The following TP53TG5 variants were observed in gnomAD, a reference collection of about 807,000 sequenced individuals.
TP53TG5 encodes the protein TP53 target 5.
TP53TG5 carries 17 observed loss-of-function variants against 30.0 expected under a neutral mutation model. The ratio of observed to expected loss-of-function variants is 0.57; its 90% CI spans 0.39 to 0.85. TP53TG5 has a LOEUF of 0.85. Among genes scored for constraint, TP53TG5 ranks in the 40% least tolerant of loss-of-function variants. The pLI, the probability that TP53TG5 is intolerant of heterozygous loss-of-function variation, is 0.00. For synonymous variants in TP53TG5, 137 were observed against 139.2 expected, an observed-to-expected ratio of 0.98 and a Z score of 0.11; for missense variants, 338 against 367.9, an observed-to-expected ratio of 0.92 and a Z score of 0.67.
chr20:45,375,268 T>C lies in TP53TG5; in HGVS notation c.539A>G (p.Glu180Gly). 6.2e-7 allele frequency: 1 copy of C among 1,614,160 alleles called. No individual in the cohort carries two copies. The highest frequency in any genetic ancestry group is 2.2e-5 in the East Asian group (1 of 44,874). The change falls in exon 4 of 5, where the codon GAG becomes GGG. Residue 180 changes from glutamate (E) to glycine (G), a missense_variant. Glu to Gly is a moderately conservative substitution (Grantham distance 98). Transcript: ENST00000372726. ...PGVQGRQPLTEGPRVIFIKPY... is the reference protein window; with the variant it reads ...PGVQGRQPLTGGPRVIFIKPY... ...CTTAATGAAGATGACTCGGGGGCCC[T>C]CGGTGAGTGGTTGCCTCCCCTGGAC...
Position 45,373,768 on chromosome 20 carries a change from G to C in TP53TG5, c.*139C>G. 1.3e-6 allele frequency: 1 copy of C among 763,320 alleles called. No homozygotes were observed. Among genetic ancestry groups the C allele is most frequent in the South Asian group, 1.6e-5 (1 of 61,250 alleles). The allele number at this position is 763,320 out of a possible 1,614,324, so 47.3% of individuals were successfully genotyped here. A position where few individuals can be genotyped will look rare whatever the true frequency, so the allele number is the denominator to read the frequency against. ...TCTTTGGTTCTAGACTGACCTTAGG[G>C]GCCTCGGGGTGGGGGTGGGGGAAGC... On this transcript the variant is annotated 3_prime_UTR_variant, in exon 5 of 5. Transcript: ENST00000372726.
At chr20:45,375,701 G>A in intron 3 of TP53TG5, 149 bp from the exon 4 acceptor site, 1 of 883,464 alleles carries the variant, frequency 1.1e-6, no homozygotes, top group Non-Finnish European at 1.7e-6. Flanking sequence ...GCCTTGTGCT[G>A]GTGTGAGGAG....
At position 45,378,125 on chromosome 20, in the gene TP53TG5, T is replaced by C. The variant is rs878960653; in HGVS notation, c.48+64A>G. The stretch of plus-strand genomic sequence containing the variant: ...TGCTGGAAAGCCCCTTTCCTTGGCA[T>C]GGTGGATTCTTTGTTAAGGTCCCCT... On this transcript the variant is annotated intron_variant, in intron 1 of 4. Coordinates refer to ENST00000372726, the MANE Select transcript of TP53TG5 (RefSeq NM_014477.3). 1.3e-5 allele frequency: 21 copies of C among 1,608,892 alleles called. No homozygotes were observed. In the South Asian group the frequency reaches 2.1e-4, roughly 16 times the overall value.
Position 45,373,774 on chromosome 20 carries a change from G to C in TP53TG5, c.*133C>G, listed in dbSNP as rs2294288. On this transcript the variant is annotated 3_prime_UTR_variant, in exon 5 of 5. Transcript: ENST00000372726. Reference sequence around the variant, plus strand: ...GTTCTAGACTGACCTTAGGGGCCTCGGGGTGGGGGTGGGGGAAGCCTGAAG... The same window carrying C: ...GTTCTAGACTGACCTTAGGGGCCTCCGGGTGGGGGTGGGGGAAGCCTGAAG... 4.6e-4 allele frequency: 369 copies of C among 809,796 alleles called. 6 individuals are homozygous for C. In the East Asian group the frequency reaches 9.7e-3, roughly 21 times the overall value. The allele number at this position is 809,796 out of a possible 1,614,324, so 50.2% of individuals were successfully genotyped here.
intron 4 of TP53TG5, chr20:45,374,777 C>T (rs747287684): frequency 1.3e-4 from 66 of 515,160 alleles, no homozygotes; most frequent in Non-Finnish European, 1.9e-4. Context: ...GGCCTTCAGG[C>T]AGTGAGATGG....
Position 45,377,175 on chromosome 20 carries a change from C to A in TP53TG5, c.254+37G>T, listed in dbSNP as rs1310982725. The A allele has an allele frequency of 3.1e-6, 5 of 1,610,124 alleles. 1 individual carries two copies. The South Asian group carries it at 5.5e-5, about 18-fold the overall frequency. ...ACAATGCCTGTTCCCAGAAAGACGG[C>A]ATTTGGGTCCATTATGGGGGCCAGG... On this transcript the variant is annotated intron_variant, in intron 3 of 4. Coordinates refer to ENST00000372726, the MANE Select transcript of TP53TG5 (RefSeq NM_014477.3).
At position 45,374,572 on chromosome 20, in the gene TP53TG5, T is replaced by C. The variant is rs549429869; in HGVS notation, c.768+467A>G. 7.6e-5 allele frequency: 37 copies of C among 485,866 alleles called. No individual in the cohort carries two copies. The East Asian group carries it at 1.0e-3, about 14-fold the overall frequency. The allele number at this position is 485,866 out of a possible 1,614,324, so 30.1% of individuals were successfully genotyped here. ...CAGGCGTGAGCCACCATGCCTAGCC[T>C]GTTCAGAGTAAATCTTATTTGAGGC... On this transcript the variant is annotated intron_variant, in intron 4 of 4. Transcript: ENST00000372726.
chr20:45,373,574 G>T lies in TP53TG5; in HGVS notation c.*333C>A. 5.2e-6 allele frequency: 2 copies of T among 383,554 alleles called. No individual in the cohort carries two copies. The highest frequency in any genetic ancestry group is 7.5e-5 in the Admixed American group (2 of 26,588). 23.8% of individuals were successfully genotyped at this position (383,554 alleles called of 1,614,324 possible). On this transcript the variant is annotated 3_prime_UTR_variant, in exon 5 of 5. Coordinates refer to ENST00000372726, the MANE Select transcript of TP53TG5 (RefSeq NM_014477.3). Reference sequence around the variant, plus strand: ...CTCCTGCCACTTTCTAGCTGAGTGAGCCTGGGCAAGTTACTTGCTGCCTCC... The same window carrying T: ...CTCCTGCCACTTTCTAGCTGAGTGATCCTGGGCAAGTTACTTGCTGCCTCC...
chr20:45,374,399 G>C, intron 4 of TP53TG5: 1 of 613,198 alleles, frequency 1.6e-6, no homozygotes, highest in African/African-American at 1.9e-5. Flanking sequence ...AGCCTCCTGA[G>C]TAGCTGATAC....
rs532662566 is a variant in TP53TG5, at chr20:45,374,889, C to G, written c.768+150G>C. 2.9e-5 allele frequency: 31 copies of G among 1,079,820 alleles called. No homozygotes were observed. The East Asian group carries it at 3.8e-4, about 13-fold the overall frequency. 66.9% of individuals were successfully genotyped at this position (1,079,820 alleles called of 1,614,324 possible). ...TATGATGTTGGTCTAAGGCTTCCCC[C>G]TCTCTGGACATGAAGGCGGAGCCTC... On this transcript the variant is annotated intron_variant, in intron 4 of 4. Transcript: ENST00000372726.
Position 45,372,646 on chromosome 20 carries a change from A to T in TP53TG5, c.*1261T>A, listed in dbSNP as rs1036892143. ...AAGGGAACTGCAAGGGAGACTGTTCAGGAAATGGGCTGGAGTGCAAGCTGG... is the reference window on the plus strand; with the variant it reads ...AAGGGAACTGCAAGGGAGACTGTTCTGGAAATGGGCTGGAGTGCAAGCTGG... On this transcript the variant is annotated 3_prime_UTR_variant, in exon 5 of 5. Coordinates refer to ENST00000372726, the MANE Select transcript of TP53TG5 (RefSeq NM_014477.3). 2 of 152,244 alleles carry T rather than the reference A, an allele frequency of 1.3e-5. No homozygotes were observed. Among genetic ancestry groups the T allele is most frequent in the African/African-American group, 4.8e-5 (2 of 41,448 alleles). 9.4% of individuals were successfully genotyped at this position (152,244 alleles called of 1,614,324 possible).
chr20:45,374,005 C>T lies in TP53TG5; in HGVS notation c.775G>A (p.Val259Met). 1 of 1,614,026 alleles carries T rather than the reference C, an allele frequency of 6.2e-7. No individual in the cohort carries two copies. The highest frequency in any genetic ancestry group is 8.5e-7 in the Non-Finnish European group (1 of 1,180,028). The change falls in exon 5 of 5, where the codon GTG (valine) becomes ATG (methionine). Residue 259 changes from valine to methionine, a missense_variant. Val to Met is a conservative substitution (Grantham distance 21). Transcript: ENST00000372726. ...GCACCTCTGGCTCTCGTCCAGGTCACATCAACCTGCCAGCAGAAACCTCGG... is the reference window on the plus strand; with the variant it reads ...GCACCTCTGGCTCTCGTCCAGGTCATATCAACCTGCCAGCAGAAACCTCGG... ...MPMWHPYKVD[V>M]TWTRARGASR... is the part of the protein sequence containing the mutation.
At chr20:45,377,073 G>T in intron 3 of TP53TG5, 139 bp downstream of exon 3, 1 of 1,114,620 alleles carries the variant, frequency 9.0e-7, no homozygotes, top group Non-Finnish European at 1.3e-6. Context: ...CAGCTCTCCA[G>T]CAGTAAAATA....
chr20:45,374,682 C>T (rs914687717), intron 4 of TP53TG5: 2 of 427,562 alleles, frequency 4.7e-6, no homozygotes, highest in East Asian at 3.8e-5. Flanking sequence ...CATCTCCCCC[C>T]TCCCACATTT....
At position 45,375,311 on chromosome 20, in the gene TP53TG5, C is replaced by T. The variant is rs772285125; in HGVS notation, c.496G>A (p.Asp166Asn). Reference sequence around the variant, plus strand: ...CCCTGGACTCCAGGGTTCAAGCTATCATCCCTCGATGTCCTTGGAACCTCA... The same window carrying T: ...CCCTGGACTCCAGGGTTCAAGCTATTATCCCTCGATGTCCTTGGAACCTCA... ...EPEVPRTSRD[D>N]SLNPGVQGRQ... Residue 166 changes from aspartate to asparagine, a missense_variant, in exon 4 of 5, where the codon GAT becomes AAT. By Grantham distance (23) the Asp-to-Asn change is conservative. Coordinates refer to ENST00000372726, the MANE Select transcript of TP53TG5 (RefSeq NM_014477.3). 1.2e-6 allele frequency: 2 copies of T among 1,614,172 alleles called. No homozygotes were observed. Among genetic ancestry groups the T allele is most frequent in the Non-Finnish European group, 8.5e-7 (1 of 1,180,032 alleles).
intron 2 of TP53TG5, 63 bp from the exon 3 acceptor site, chr20:45,377,405 C>G: frequency 1.2e-6 from 2 of 1,611,562 alleles, no homozygotes; most frequent in Non-Finnish European, 1.7e-6. Context: ...CTCCCTCTCC[C>G]CTGCCTGCCT....
Position 45,375,427 on chromosome 20 carries a change from T to C in TP53TG5, c.380A>G (p.Lys127Arg). Residue 127 changes from lysine to arginine, a missense_variant, in exon 4 of 5, where the codon AAG (lysine) becomes AGG (arginine). Coordinates refer to ENST00000372726, the MANE Select transcript of TP53TG5 (RefSeq NM_014477.3). The part of the protein sequence containing the change: ...STGDPKKKEY[K>R]EWKSQVQSGM... ...TGACTGCACCTGGGACTTCCACTCC[T>C]TGTACTCTTTTTTCTTAGGGTCCCC... is the stretch of plus-strand genomic sequence containing the variant. The C allele has an allele frequency of 6.2e-7, 1 of 1,614,182 alleles. No individual in the cohort carries two copies. The highest frequency in any genetic ancestry group is 8.5e-7 in the Non-Finnish European group (1 of 1,180,028).
rs944889221 is a variant in TP53TG5 at position 45,373,830 on chromosome 20, T to C, written c.*77A>G. The C allele has an allele frequency of 1.2e-5, 17 of 1,438,894 alleles. No individual in the cohort carries two copies. Among genetic ancestry groups the C allele is most frequent in the Admixed American group, 1.2e-4 (7 of 59,544 alleles). The allele number at this position is 1,438,894 out of a possible 1,614,324, so 89.1% of individuals were successfully genotyped here. On this transcript the variant is annotated 3_prime_UTR_variant, in exon 5 of 5. Coordinates refer to ENST00000372726, the MANE Select transcript of TP53TG5 (RefSeq NM_014477.3). ...ACACAGGCTCCCTCTACCGAAGGCC[T>C]CTTTCCTTCATCCTTCCCAGCCCCA...
intron 3 of TP53TG5, chr20:45,376,518 C>T (rs1317154650): frequency 6.6e-6 from 1 of 152,254 alleles, no homozygotes; most frequent in Non-Finnish European, 1.5e-5. Flanking sequence ...CTGCTTCTGC[C>T]TCTTACCACC....
Sources: gnomAD v4.1 joint callset for allele counts on GRCh38, gnomAD v4.1.1 for gene constraint, MANE v1.5 for transcripts, NCBI Gene and HGNC (gene_info 2026-07-23, HGNC 2026-07-21) for gene names.